TRHDE: variants seen among roughly 807,000 people sequenced by gnomAD.
TRHDE encodes the protein thyrotropin releasing hormone degrading enzyme, also known as thyrotropin-releasing hormone-degrading ectoenzyme.
A neutral mutation model predicts 125.7 loss-of-function variants in TRHDE; 72 were observed. The observed-to-expected ratio is 0.57, with a 90% CI of 0.47 to 0.70. TRHDE has a LOEUF of 0.70. Ranked by LOEUF, TRHDE falls within the 30% of genes least tolerant of loss-of-function variation. TRHDE has a pLI of 0.00. For synonymous variants in TRHDE, 509 were observed against 509.1 expected, an observed-to-expected ratio of 1.00 and a Z score of 0.00; for missense variants, 1,110 against 1,327.1, an observed-to-expected ratio of 0.84 and a Z score of 2.54.
At chr12:72,371,791 T>C (rs1214694008) in intron 2 of TRHDE, among the ~76,000 whole-genome samples, 1 of 152,198 alleles carries the variant, frequency 6.6e-6, no homozygotes, top group Non-Finnish European at 1.5e-5. Flanking sequence ...CAATCTATCA[T>C]TGTTGGACAT....
intron 10 of TRHDE, among the ~76,000 whole-genome samples, chr12:72,572,528 G>A (rs1870794515): frequency 1.3e-5 from 2 of 151,864 alleles, no homozygotes; most frequent in Non-Finnish European, 1.5e-5. Context: ...GAACATTTTA[G>A]GGATATAATT....
intron 1 of TRHDE, among the ~76,000 whole-genome samples, chr12:72,102,644 G>C (rs1875095637): frequency 6.6e-6 from 1 of 152,166 alleles, no homozygotes; most frequent in African/African-American, 2.4e-5. Flanking sequence ...AAAAGCTTTG[G>C]GAGTTTAAGG....
intron 2 of TRHDE, among the ~76,000 whole-genome samples, chr12:72,172,632 A>T (rs1876898084): frequency 6.6e-6 from 1 of 152,174 alleles, no homozygotes; most frequent in Non-Finnish European, 1.5e-5. Context: ...ATATCAAAGA[A>T]GGTTTCAAGT....
intron 2 of TRHDE, among the ~76,000 whole-genome samples, chr12:72,185,239 G>T (rs544254313): frequency 6.6e-6 from 1 of 152,338 alleles, no homozygotes; most frequent in South Asian, 2.1e-4. Context: ...CCGGCCCACC[G>T]GGGCTGTGCT....
chr12:72,508,070 A>T (rs1878430601), intron 6 of TRHDE, among the ~76,000 whole-genome samples: 1 of 152,192 alleles, frequency 6.6e-6, no homozygotes, highest in Non-Finnish European at 1.5e-5. Context: ...ATTTCAGAGG[A>T]TGTGTGAAAA....
intron 3 of TRHDE, among the ~76,000 whole-genome samples, chr12:72,387,550 C>G (rs966016107): frequency 6.6e-6 from 1 of 152,090 alleles, no homozygotes; most frequent in African/African-American, 2.4e-5. Flanking sequence ...GTTGAATTTA[C>G]CTGGTGATTC....
chr12:72,437,239 T>C (rs2135850907), intron 3 of TRHDE, among the ~76,000 whole-genome samples: 1 of 151,988 alleles, frequency 6.6e-6, no homozygotes, highest in East Asian at 1.9e-4. Context: ...GCACTTCAAA[T>C]ATTGCCTTAC....
chr12:72,639,874 C>T (rs1390436132), intron 15 of TRHDE, among the ~76,000 whole-genome samples: 1 of 152,156 alleles, frequency 6.6e-6, no homozygotes, highest in East Asian at 1.9e-4. Context: ...AGATCTCCAG[C>T]TGCGTGCTGG....
intron 6 of TRHDE, among the ~76,000 whole-genome samples, chr12:72,532,135 CTG>C (rs1018023232): frequency 5.3e-5 from 8 of 151,754 alleles, no homozygotes; most frequent in African/African-American, 1.4e-4. Context: ...CATGAAAACT[CTG>C]TACAATTTTG....
intron 12 of TRHDE, among the ~76,000 whole-genome samples, chr12:72,592,555 A>AT (rs960543914): frequency 6.8e-5 from 10 of 146,384 alleles, no homozygotes; most frequent in Non-Finnish European, 9.1e-5. Flanking sequence ...AGTTGTGGTG[A>AT]TTTTTTTTTT....
chr12:72,616,508 G>A (rs1244808019), intron 12 of TRHDE, among the ~76,000 whole-genome samples: 1 of 152,040 alleles, frequency 6.6e-6, no homozygotes. Flanking sequence ...GACGAGTGTG[G>A]TAGTAGTCGA....
intron 2 of TRHDE, among the ~76,000 whole-genome samples, chr12:72,333,977 G>C (rs181721211): frequency 6.6e-6 from 1 of 151,884 alleles, no homozygotes. Context: ...ATTTTCTATA[G>C]CTAGTGGAAT....
chr12:72,349,544 CTT>C (rs1346458313), intron 2 of TRHDE, among the ~76,000 whole-genome samples: 1 of 147,856 alleles, frequency 6.8e-6, no homozygotes, highest in African/African-American at 2.5e-5. Context: ...GTCCCTTTGC[CTT>C]TTTTTGGGCG....
At chr12:72,313,118 A>C (rs1565694492) in intron 2 of TRHDE, among the ~76,000 whole-genome samples, 1 of 152,118 alleles carries the variant, frequency 6.6e-6, no homozygotes, top group Non-Finnish European at 1.5e-5. Flanking sequence ...TATTGTGGGC[A>C]ATATTTATAG....
intron 3 of TRHDE, among the ~76,000 whole-genome samples, chr12:72,408,399 C>T (rs769758608): frequency 2.0e-5 from 3 of 152,052 alleles, no homozygotes; most frequent in Non-Finnish European, 4.4e-5. Context: ...TCCATAGAAA[C>T]CTAGCAAAAG....
intron 2 of TRHDE, among the ~76,000 whole-genome samples, chr12:72,200,958 G>C (rs1877547246): frequency 1.3e-5 from 2 of 152,184 alleles, no homozygotes; most frequent in Non-Finnish European, 2.9e-5. Flanking sequence ...CTTAGCAAGA[G>C]GTCTGGAGTA....
intron 2 of TRHDE, among the ~76,000 whole-genome samples, chr12:72,165,831 C>A (rs141514446): frequency 6.6e-6 from 1 of 152,160 alleles, no homozygotes; most frequent in African/African-American, 2.4e-5. Flanking sequence ...CCCGCCACCA[C>A]GCCTGGCTAA....
intron 2 of TRHDE, among the ~76,000 whole-genome samples, chr12:72,131,241 T>G (rs2139308002): frequency 6.6e-6 from 1 of 151,522 alleles, no homozygotes; most frequent in Admixed American, 6.6e-5. Flanking sequence ...CCGGCTAATT[T>G]TTTTGTAGTT....
At chr12:72,456,566 T>C (rs959658492) in intron 3 of TRHDE, among the ~76,000 whole-genome samples, 2 of 152,104 alleles carry the variant, frequency 1.3e-5, no homozygotes, top group African/African-American at 4.8e-5. Context: ...ATCAGTTACA[T>C]GTCGTTTTGA....
Sources: gnomAD v4.1 joint callset for allele counts (sites outside exome capture counted in the v4.1 genomes callset) on GRCh38, gnomAD v4.1.1 for gene constraint, MANE v1.5 for transcripts, NCBI Gene and HGNC (gene_info 2026-07-23, HGNC 2026-07-21) for gene names.